SMIM35: variants seen among roughly 807,000 people sequenced by gnomAD.
SMIM35 encodes small integral membrane protein 35, also known as TMPRSS4 antisense RNA 1 (non-protein coding).
chr11:118,037,364 G>T (rs685540), intron 1 of SMIM35, among the ~76,000 whole-genome samples: 1 of 152,082 alleles, frequency 6.6e-6, no homozygotes, highest in Non-Finnish European at 1.5e-5. Flanking sequence ...TAACAAGGAG[G>T]TTAAGATACA....
At chr11:118,012,794 G>A (rs1449899448) in intron 4 of SMIM35, among the ~76,000 whole-genome samples, 1 of 152,194 alleles carries the variant, frequency 6.6e-6, no homozygotes, top group African/African-American at 2.4e-5. Context: ...AGGTGGGAAT[G>A]TTAAAACCAT....
Position 118,053,328 on chromosome 11 carries a change from AC to A in SMIM35, c.7+33422del, listed in dbSNP as rs1565393076. Among the ~76,000 whole-genome samples the A allele has an allele frequency of 3.0e-3, 446 of 151,020 alleles. 2 individuals are homozygous for A. Among genetic ancestry groups the A allele is most frequent in the Admixed American group, 6.8e-3 (101 of 14,822 alleles). ...CTAAAACACACACACACACACACACACACACACACACACACACACACACACA... is the reference window on the plus strand; with the variant it reads ...CTAAAACACACACACACACACACACAACACACACACACACACACACACACA... On this transcript the variant is annotated intron_variant, in intron 1 of 4. Coordinates refer to ENST00000689828, the MANE Select transcript of SMIM35 (RefSeq NM_001394165.1).
intron 1 of SMIM35, chr11:118,067,257 C>T (rs1944489772): frequency 6.6e-6 from 1 of 152,232 alleles, no homozygotes; most frequent in African/African-American, 2.4e-5. Flanking sequence ...GTGGCACGTG[C>T]CTGTAGTCAC....
intron 1 of SMIM35, among the ~76,000 whole-genome samples, chr11:118,049,146 G>A (rs990934367): frequency 2.0e-4 from 30 of 151,854 alleles, no homozygotes; most frequent in African/African-American, 7.0e-4. Flanking sequence ...CCTCCACAGG[G>A]TAGCCACTGC....
rs747159184 is a variant in SMIM35, at chr11:118,003,741, A to G, written c.*2669T>C. 6.6e-6 allele frequency: 1 copy of G among 152,240 alleles called. No homozygotes were observed. The highest frequency in any genetic ancestry group is 1.5e-5 in the Non-Finnish European group (1 of 68,060). The allele number at this position is 152,240 out of a possible 1,614,324, so 9.4% of individuals were successfully genotyped here. On this transcript the variant is annotated 3_prime_UTR_variant, in exon 5 of 5. Coordinates refer to ENST00000689828, the MANE Select transcript of SMIM35 (RefSeq NM_001394165.1). ...GTGCAGCCCTGGGTACAGAGTGGTG[A>G]ACCAAACAAGTGTGGCTTCATGGAG...
chr11:118,083,140 A>C (rs1009245356), intron 1 of SMIM35, among the ~76,000 whole-genome samples: 1 of 152,160 alleles, frequency 6.6e-6, no homozygotes, highest in African/African-American at 2.4e-5. Context: ...TGCCACAGAA[A>C]CCTTCACAAT....
intron 1 of SMIM35, among the ~76,000 whole-genome samples, chr11:118,036,524 A>G (rs1292514267): frequency 3.3e-5 from 5 of 152,240 alleles, no homozygotes; most frequent in African/African-American, 1.2e-4. Flanking sequence ...GTCTTCATGC[A>G]GGCTGATTGG....
chr11:118,044,313 T>C (rs1400170244), intron 1 of SMIM35, among the ~76,000 whole-genome samples: 1 of 67,256 alleles, frequency 1.5e-5, no homozygotes, highest in Non-Finnish European at 2.9e-5. Context: ...TCTGGCAGAA[T>C]TGAAAAAAAA....
intron 1 of SMIM35, among the ~76,000 whole-genome samples, chr11:118,061,471 G>T (rs1366959285): frequency 6.6e-6 from 1 of 152,140 alleles, no homozygotes; most frequent in Non-Finnish European, 1.5e-5. Context: ...AGAGTGGCAG[G>T]TCCCCAGCTG....
intron 1 of SMIM35, among the ~76,000 whole-genome samples, chr11:118,051,247 GA>G (rs2135101756): frequency 1.3e-5 from 2 of 152,316 alleles, no homozygotes; most frequent in South Asian, 4.1e-4. Flanking sequence ...CTGACATCCT[GA>G]AACAGATGGG....
At chr11:118,083,681 T>C (rs1405384221) in intron 1 of SMIM35, among the ~76,000 whole-genome samples, 1 of 152,208 alleles carries the variant, frequency 6.6e-6, no homozygotes, top group Non-Finnish European at 1.5e-5. Flanking sequence ...GGTTCACTGC[T>C]AGGTCTCCAG....
chr11:118,062,583 G>A (rs979163003), intron 1 of SMIM35, among the ~76,000 whole-genome samples: 1 of 152,202 alleles, frequency 6.6e-6, no homozygotes, highest in African/African-American at 2.4e-5. Flanking sequence ...ACGGAGAACA[G>A]GGCATGTGGA....
chr11:118,007,065 G>A (rs191772911), intron 4 of SMIM35, among the ~76,000 whole-genome samples: 2,882 of 151,818 alleles, frequency 0.019, 92 homozygotes, highest in African/African-American at 0.066. Context: ...ACACGCACAC[G>A]CACACACACA....
At chr11:118,016,309 A>G (rs1591275774) in intron 1 of SMIM35, among the ~76,000 whole-genome samples, 2 of 152,312 alleles carry the variant, frequency 1.3e-5, no homozygotes, top group South Asian at 2.1e-4. Flanking sequence ...TTTTTGTGGT[A>G]TGAGCTCTTA....
chr11:118,019,320 G>A (rs1038874201), intron 1 of SMIM35, among the ~76,000 whole-genome samples: 16 of 152,168 alleles, frequency 1.1e-4, no homozygotes, highest in African/African-American at 3.9e-4. Context: ...AAGGAAGGAA[G>A]TAAAATGAAG....
chr11:118,085,400 T>G (rs1417086887), intron 1 of SMIM35, among the ~76,000 whole-genome samples: 1 of 152,026 alleles, frequency 6.6e-6, no homozygotes, highest in Non-Finnish European at 1.5e-5. Flanking sequence ...ATTTTTTGTA[T>G]TTTTAGTAGA....
chr11:118,028,740 T>A, intron 1 of SMIM35: 1 of 406,616 alleles, frequency 2.5e-6, no homozygotes, highest in Admixed American at 2.8e-5. Flanking sequence ...AATTAGGAGG[T>A]TGGGGAAGAA....
At chr11:118,058,302 C>T (rs1793319359) in intron 1 of SMIM35, among the ~76,000 whole-genome samples, 1 of 152,144 alleles carries the variant, frequency 6.6e-6, no homozygotes. Flanking sequence ...TCTTCCTGGG[C>T]TCACCCCTCC....
intron 4 of SMIM35, among the ~76,000 whole-genome samples, chr11:118,011,970 C>T (rs2135015999): frequency 6.6e-6 from 1 of 152,204 alleles, no homozygotes; most frequent in East Asian, 1.9e-4. Context: ...GAATGGCCTC[C>T]AGACCCTGGC....
Sources: gnomAD v4.1 joint callset for allele counts (sites outside exome capture counted in the v4.1 genomes callset) on GRCh38, gnomAD v4.1.1 for gene constraint, MANE v1.5 for transcripts, NCBI Gene and HGNC (gene_info 2026-07-23, HGNC 2026-07-21) for gene names.